ATXN8OS: variants seen among roughly 807,000 people sequenced by gnomAD.
ATXN8OS encodes ATXN8 opposite strand (non-protein coding).
intron 3 of ATXN8OS, among the ~76,000 whole-genome samples, chr13:70,132,625 A>C (rs1888550359): frequency 6.6e-6 from 1 of 151,788 alleles, no homozygotes; most frequent in African/African-American, 2.4e-5. Context: ...AAAGTTGAAA[A>C]TTAAAAATAT....
At chr13:70,157,591 C>T (rs1233891881) in intron 4 of ATXN8OS, among the ~76,000 whole-genome samples, 1 of 151,722 alleles carries the variant, frequency 6.6e-6, no homozygotes, top group Non-Finnish European at 1.5e-5. Context: ...ATCTCTCACT[C>T]TTTATTTTCT....
At chr13:70,170,123 C>T (rs1202924341) in exon 5 of ATXN8OS, among the ~76,000 whole-genome samples, 2 of 152,108 alleles carry the variant, frequency 1.3e-5, no homozygotes, top group South Asian at 2.1e-4. Context: ...TTTACTGGAA[C>T]ATTCCTGTAT....
chr13:70,158,396 C>A (rs886364894), intron 4 of ATXN8OS, among the ~76,000 whole-genome samples: 2 of 152,028 alleles, frequency 1.3e-5, no homozygotes, highest in African/African-American at 2.4e-5. Flanking sequence ...CCAGCCTGGG[C>A]GACAGGCAAG....
intron 4 of ATXN8OS, among the ~76,000 whole-genome samples, chr13:70,162,162 T>C (rs559994026): frequency 1.3e-5 from 2 of 152,034 alleles, no homozygotes; most frequent in African/African-American, 4.8e-5. Context: ...AATAAGTACA[T>C]ACGCTAGCCT....
exon 5 of ATXN8OS, among the ~76,000 whole-genome samples, chr13:70,171,410 C>T (rs756941510): frequency 3.3e-5 from 5 of 152,120 alleles, no homozygotes; most frequent in African/African-American, 4.8e-5. Context: ...GGAAATTGCT[C>T]TGGGTGAGTC....
chr13:70,139,732 T>C (rs890409884), intron 3 of ATXN8OS, among the ~76,000 whole-genome samples: 2 of 152,116 alleles, frequency 1.3e-5, no homozygotes. Context: ...ATATTAGTCA[T>C]TTTGCTCCCA....
chr13:70,129,489 C>G (rs1420233017), intron 2 of ATXN8OS, among the ~76,000 whole-genome samples: 2 of 151,968 alleles, frequency 1.3e-5, no homozygotes, highest in African/African-American at 4.8e-5. Context: ...ATACAACTCC[C>G]TCTATGCAGA....
At chr13:70,145,664 T>G (rs1321464562) in intron 3 of ATXN8OS, among the ~76,000 whole-genome samples, 5 of 151,960 alleles carry the variant, frequency 3.3e-5, no homozygotes, top group African/African-American at 1.2e-4. Flanking sequence ...TCTGTTATTG[T>G]TGTATAAGAA....
At chr13:70,154,872 T>C (rs628929) in intron 4 of ATXN8OS, among the ~76,000 whole-genome samples, 117,867 of 152,174 alleles carry the variant, frequency 0.77, 46,452 homozygotes, top group Middle Eastern at 0.87. Context: ...GCGAAGGTTA[T>C]AGGATAAGCC....
intron 3 of ATXN8OS, among the ~76,000 whole-genome samples, chr13:70,136,568 A>G (rs528068219): frequency 7.2e-5 from 11 of 152,070 alleles, no homozygotes; most frequent in Admixed American, 6.6e-4. Context: ...AGTTCTTACA[A>G]TTTTAAAAAT....
At position 70,170,749 on chromosome 13, in the gene ATXN8OS, C is replaced by T. The variant is rs190125067; in HGVS notation, n.1570C>T. On this transcript the variant is annotated non_coding_transcript_exon_variant, in exon 5 of 5. Transcript: ENST00000678624. Reference sequence around the variant, plus strand: ...ACAGTCACGCATCATTTAACGACAACGATATGTTCTGAGAAATGCATTATT... The same window carrying T: ...ACAGTCACGCATCATTTAACGACAATGATATGTTCTGAGAAATGCATTATT... 1.8e-3 allele frequency among the ~76,000 whole-genome samples: 272 copies of T among 152,164 alleles called. 3 individuals carry two copies. The highest frequency in any genetic ancestry group is 1.2e-3 in the Non-Finnish European group (79 of 67,978).
At chr13:70,109,241 C>T (rs539860798) in intron 1 of ATXN8OS, among the ~76,000 whole-genome samples, 1 of 152,148 alleles carries the variant, frequency 6.6e-6, no homozygotes, top group Non-Finnish European at 1.5e-5. Context: ...GTGAGGATTG[C>T]GATCACTTTC....
At chr13:70,138,449 T>C (rs1011286750) in intron 3 of ATXN8OS, among the ~76,000 whole-genome samples, 1 of 152,168 alleles carries the variant, frequency 6.6e-6, no homozygotes, top group Non-Finnish European at 1.5e-5. Context: ...AAAAAATAGG[T>C]TCTATTGTCA....
chr13:70,148,562 T>C (rs1416290493), intron 4 of ATXN8OS, among the ~76,000 whole-genome samples: 1 of 152,120 alleles, frequency 6.6e-6, no homozygotes, highest in Non-Finnish European at 1.5e-5. Flanking sequence ...CTCAATAAGA[T>C]GGAAGGGGGT....
exon 5 of ATXN8OS, among the ~76,000 whole-genome samples, chr13:70,170,628 G>C (rs1280509824): frequency 2.0e-5 from 3 of 152,120 alleles, no homozygotes; most frequent in Non-Finnish European, 4.4e-5. Flanking sequence ...ATTCCAGAAA[G>C]CTGCAGGTTT....
At chr13:70,159,424 G>A (rs1470043038) in intron 4 of ATXN8OS, among the ~76,000 whole-genome samples, 1 of 152,008 alleles carries the variant, frequency 6.6e-6, no homozygotes, top group African/African-American at 2.4e-5. Flanking sequence ...AGACACTCTT[G>A]TCTCATTAGC....
rs569873859 is a variant in ATXN8OS, at chr13:70,133,086, G to A, written n.499+3202G>A. On this transcript the variant is annotated intron_variant and non_coding_transcript_variant, in intron 3 of 4. Coordinates refer to ENST00000678624, the Ensembl canonical transcript of ATXN8OS. Reference sequence around the variant, plus strand: ...ATGCCTCACTTCGATAGAGCTAGGAGAGGCAGTTTATGGCTGTATCAGAAA... The same window carrying A: ...ATGCCTCACTTCGATAGAGCTAGGAAAGGCAGTTTATGGCTGTATCAGAAA... 6.6e-4 allele frequency among the ~76,000 whole-genome samples: 100 copies of A among 152,250 alleles called. 1 individual carries two copies. Among genetic ancestry groups the A allele is most frequent in the Admixed American group, 1.1e-3 (17 of 15,286 alleles).
chr13:70,166,831 C>T (rs1889081655), intron 4 of ATXN8OS, among the ~76,000 whole-genome samples: 3 of 151,940 alleles, frequency 2.0e-5, no homozygotes, highest in Admixed American at 2.0e-4. Context: ...AAGAATAAAA[C>T]AACCCCATCA....
intron 2 of ATXN8OS, among the ~76,000 whole-genome samples, chr13:70,120,071 T>A (rs1888335900): frequency 6.6e-6 from 1 of 152,248 alleles, no homozygotes; most frequent in Admixed American, 6.5e-5. Flanking sequence ...GGTAAATAAT[T>A]TAAGTGGAAT....
Sources: allele counts gnomAD v4.1 joint callset (sites outside exome capture counted in the v4.1 genomes callset), GRCh38; gene constraint gnomAD v4.1.1; transcripts MANE v1.5; gene names NCBI Gene and HGNC (gene_info 2026-07-23, HGNC 2026-07-21).